Variants in SCGB2B2 observed in about 807,000 individuals in gnomAD.
SCGB2B2 encodes the protein secretoglobin-like protein.
Under a neutral mutation model 7.6 loss-of-function variants are expected in SCGB2B2, and 11 were observed. The observed-to-expected ratio is 1.45, with a 90% CI of 0.91 to 2.40. The LOEUF is 2.40. Among genes scored for constraint, SCGB2B2 ranks in the 30% most tolerant of loss-of-function variants. SCGB2B2 has a pLI of 0.00. For synonymous variants in SCGB2B2, 50 were observed against 48.6 expected (o/e 1.03, Z -0.12); for missense variants, 104 against 115.4 (o/e 0.90, Z 0.45).
intron 1 of SCGB2B2, among the ~76,000 whole-genome samples, chr19:34,624,812 G>A (rs1156853250): frequency 1.3e-5 from 2 of 152,134 alleles, no homozygotes; most frequent in Admixed American, 6.5e-5. Flanking sequence ...AAGAGTGATG[G>A]GGGATTGATA....
chr19:34,603,629 G>A (rs1437658485), intron 1 of SCGB2B2, among the ~76,000 whole-genome samples: 1 of 152,096 alleles, frequency 6.6e-6, no homozygotes, highest in Admixed American at 6.6e-5. Flanking sequence ...TTAATTATAG[G>A]GAGAGAGCCT....
intron 1 of SCGB2B2, among the ~76,000 whole-genome samples, chr19:34,613,225 A>C (rs1164312172): frequency 1.3e-5 from 2 of 151,928 alleles, no homozygotes; most frequent in Non-Finnish European, 1.5e-5. Flanking sequence ...TAGCCTCCTG[A>C]GCAGCTGGGA....
chr19:34,673,695 C>T (rs1178500267), intron 1 of SCGB2B2, among the ~76,000 whole-genome samples: 1 of 152,132 alleles, frequency 6.6e-6, no homozygotes, highest in Admixed American at 6.5e-5. Context: ...TGTGTAAGTA[C>T]ATCAAAACAT....
rs148428203 is a variant in SCGB2B2 at position 34,633,766 on chromosome 19, C to T, written c.-2031-37172G>A. ...CATTTTAAATATGCACAGTTTACTG[C>T]GCAACAATATCTCAATAGAGCTTTA... is the stretch of plus-strand genomic sequence containing the variant. On this transcript the variant is annotated intron_variant, in intron 1 of 3. Coordinates refer to ENST00000601241, the MANE Select transcript of SCGB2B2 (RefSeq NM_001025591.4). 9.4e-3 allele frequency among the ~76,000 whole-genome samples: 1,261 copies of T among 134,378 alleles called. 8 individuals are homozygous for T. Among genetic ancestry groups the T allele is most frequent in the Non-Finnish European group, 0.015 (932 of 63,314 alleles). 88.2% of individuals were successfully genotyped at this position (134,378 alleles called of 152,430 possible). A position where few individuals can be genotyped will look rare whatever the true frequency, so the allele number is the denominator to read the frequency against.
intron 1 of SCGB2B2, among the ~76,000 whole-genome samples, chr19:34,629,394 C>G (rs1277959551): frequency 6.6e-6 from 1 of 152,006 alleles, no homozygotes. Flanking sequence ...CCAAAATCTC[C>G]TTAAGCTGAT....
intron 1 of SCGB2B2, among the ~76,000 whole-genome samples, chr19:34,647,050 G>A (rs2067037870): frequency 6.6e-6 from 1 of 151,744 alleles, no homozygotes; most frequent in Admixed American, 6.6e-5. Flanking sequence ...TCCAGATGCT[G>A]GAGGCTGGGA....
chr19:34,601,053 T>C (rs2065610211), intron 1 of SCGB2B2, among the ~76,000 whole-genome samples: 1 of 152,212 alleles, frequency 6.6e-6, no homozygotes, highest in Admixed American at 6.5e-5. Flanking sequence ...ATAATCCACA[T>C]GGAATGGACT....
intron 1 of SCGB2B2, among the ~76,000 whole-genome samples, chr19:34,671,710 T>C (rs2067807611): frequency 6.6e-6 from 1 of 152,204 alleles, no homozygotes; most frequent in South Asian, 2.1e-4. Flanking sequence ...GTGTCTCAAG[T>C]ATATGTTGTA....
At chr19:34,660,729 A>G (rs547755261) in intron 1 of SCGB2B2, among the ~76,000 whole-genome samples, 26 of 152,212 alleles carry the variant, frequency 1.7e-4, no homozygotes, top group Non-Finnish European at 2.9e-4. Context: ...TTCCTCAAGG[A>G]TCTAGAACTA....
In SCGB2B2 at chr19:34,676,427, C is replaced by T. The variant is rs1370310304; in HGVS notation, c.-2829G>A. 3 of 152,182 alleles carry T rather than the reference C, an allele frequency of 2.0e-5. No homozygotes were observed. The highest frequency in any genetic ancestry group is 1.9e-4 in the East Asian group (1 of 5,198). The allele number at this position is 152,182 out of a possible 1,614,324, so 9.4% of individuals were successfully genotyped here. A position where few individuals can be genotyped will look rare whatever the true frequency, so the allele number is the denominator to read the frequency against. The stretch of plus-strand genomic sequence containing the variant: ...CAAAAAGCTGGGAAGCCCTCAGCTC[C>T]GAGAAATTGAAATTGCCCACCTCTT... On this transcript the variant is annotated 5_prime_UTR_variant, in exon 1 of 4. Coordinates refer to ENST00000601241, the MANE Select transcript of SCGB2B2 (RefSeq NM_001025591.4).
At chr19:34,654,976 T>C (rs1023683089) in intron 1 of SCGB2B2, among the ~76,000 whole-genome samples, 8 of 151,356 alleles carry the variant, frequency 5.3e-5, no homozygotes, top group African/African-American at 7.4e-5. Flanking sequence ...TCCAATCTTA[T>C]GTAAATTCTT....
At chr19:34,619,981 AACTT>A (rs1167820264) in intron 1 of SCGB2B2, among the ~76,000 whole-genome samples, 5 of 152,180 alleles carry the variant, frequency 3.3e-5, no homozygotes, top group Non-Finnish European at 7.4e-5. Context: ...ACTTTTAGAT[AACTT>A]TTGAATTAGA....
intron 1 of SCGB2B2, chr19:34,646,983 C>G (rs1227044245): frequency 1.3e-5 from 2 of 152,256 alleles, no homozygotes; most frequent in Admixed American, 1.3e-4. Flanking sequence ...TACCCAAGTC[C>G]TCCTTCTCTC....
At chr19:34,603,797 T>TTTTTC (rs2065700413) in intron 1 of SCGB2B2, among the ~76,000 whole-genome samples, 2 of 97,364 alleles carry the variant, frequency 2.1e-5, no homozygotes. Flanking sequence ...TTTTATTACT[T>TTTTTC]TTTTTTTTTT....
chr19:34,635,307 G>T, intron 1 of SCGB2B2: 1 of 285,722 alleles, frequency 3.5e-6, no homozygotes, highest in South Asian at 4.6e-5. Flanking sequence ...CTGAATGAGT[G>T]TGTGTTTGCT....
chr19:34,642,183 T>C (rs2066861652), intron 1 of SCGB2B2, among the ~76,000 whole-genome samples: 1 of 152,206 alleles, frequency 6.6e-6, no homozygotes, highest in African/African-American at 2.4e-5. Context: ...CAGTTCTGTC[T>C]CAAAGGATTT....
intron 1 of SCGB2B2, among the ~76,000 whole-genome samples, chr19:34,658,875 T>C (rs1217633603): frequency 2.0e-5 from 3 of 147,022 alleles, no homozygotes; most frequent in Admixed American, 6.7e-5. Flanking sequence ...TGAACATCCA[T>C]GCGAAAATCC....
chr19:34,586,337 C>T (rs2065190038), downstream of SCGB2B2, among the ~76,000 whole-genome samples: 1 of 152,098 alleles, frequency 6.6e-6, no homozygotes, highest in African/African-American at 2.4e-5. Context: ...TTGACAGTTG[C>T]AAAAATCAGA....
chr19:34,667,478 C>T (rs1033646460), intron 1 of SCGB2B2, among the ~76,000 whole-genome samples: 1 of 152,178 alleles, frequency 6.6e-6, no homozygotes, highest in Admixed American at 6.5e-5. Flanking sequence ...CCCCTCCTCC[C>T]ACTCCTGCTG....
Sources: gnomAD v4.1 joint callset for allele counts (sites outside exome capture counted in the v4.1 genomes callset) on GRCh38, gnomAD v4.1.1 for gene constraint, MANE v1.5 for transcripts, NCBI Gene and HGNC (gene_info 2026-07-23, HGNC 2026-07-21) for gene names.